RPS29: variants seen among roughly 807,000 people sequenced by gnomAD.
RPS29 encodes ribosomal protein S29.
For missense variants in RPS29, 60 were observed against 75.7 expected (o/e 0.79, Z 0.77); for synonymous variants, 37 against 26.9 (o/e 1.37, Z -1.16).
rs375524772 is a variant in RPS29 at position 49,585,943 on chromosome 14, C to G, written c.162+7G>C. On this transcript the variant is annotated splice_region_variant and intron_variant, in intron 2 of 2. Transcript: ENST00000245458. ...AAACAACATGGAGTACGCCTGCAGA[C>G]GCCTACCTTAATGAAACCGATATCC... 2 of 1,609,730 alleles carry G rather than the reference C, an allele frequency of 1.2e-6. No homozygotes were observed. Among genetic ancestry groups the G allele is most frequent in the South Asian group, 2.2e-5 (2 of 90,980 alleles).
Position 49,586,302 on chromosome 14 carries a change from G to C in RPS29, c.45C>G (p.Gly15=). 1.9e-6 allele frequency: 3 copies of C among 1,613,872 alleles called. No homozygotes were observed. Among genetic ancestry groups the C allele is most frequent in the Non-Finnish European group, 2.5e-6 (3 of 1,179,778 alleles). Residue 15 remains glycine, a synonymous_variant, in exon 1 of 3, where the codon GGC becomes GGG. Transcript: ENST00000245458. ...QLYWSHPRKF[G]QGSRSCRVCS... is the part of the protein sequence containing the mutation. The stretch of plus-strand genomic sequence containing the variant: ...TTTCTCACCAAGAGCGAGAACCCTG[G>C]CCGAATTTTCGCGGGTGGCTCCAGT...
At chr14:49,593,304 C>T (rs2053984) in intron 1 of RPS29, among the ~76,000 whole-genome samples, 29,387 of 152,178 alleles carry the variant, frequency 0.19, 3,080 homozygotes, top group Admixed American at 0.28. Context: ...AGCCAGGAAG[C>T]ATATCATCTA....
At position 49,585,946 on chromosome 14, in the gene RPS29, C is replaced by T. The variant is rs368111062; in HGVS notation, c.162+4G>A. 1.4e-5 allele frequency: 23 copies of T among 1,611,572 alleles called. No individual in the cohort carries two copies. Among genetic ancestry groups the T allele is most frequent in the African/African-American group, 2.7e-5 (2 of 74,850 alleles). On this transcript the variant is annotated splice_donor_region_variant and intron_variant, in intron 2 of 2. Transcript: ENST00000245458. ...CAACATGGAGTACGCCTGCAGACGC[C>T]TACCTTAATGAAACCGATATCCTTC...
chr14:49,585,860 G>C, intron 2 of RPS29, 90 bp downstream of exon 2: 1 of 984,758 alleles, frequency 1.0e-6, no homozygotes, highest in Non-Finnish European at 1.6e-6. Flanking sequence ...ACCACTCCAG[G>C]GAAGATCTGT....
chr14:49,594,342 CAA>C (rs112231373), intron 1 of RPS29, among the ~76,000 whole-genome samples: 68 of 123,772 alleles, frequency 5.5e-4, no homozygotes, highest in African/African-American at 1.9e-3. Context: ...GAACCTGTCT[CAA>C]AAAAAAAAAA....
At chr14:49,582,754 A>G (rs1487573959), downstream of RPS29, among the ~76,000 whole-genome samples, 5 of 152,226 alleles carry the variant, frequency 3.3e-5, no homozygotes, top group Non-Finnish European at 7.3e-5. Flanking sequence ...ATAGGCTTCC[A>G]GATGACAACG....
exon 1 of RPS29, chr14:49,598,424 G>C (rs1415488134): frequency 1.4e-6 from 1 of 700,314 alleles, no homozygotes; most frequent in South Asian, 1.5e-5. Context: ...TATTTGTTCA[G>C]CAGGAATTGC....
chr14:49,571,555 T>C (rs984218591), exon 3 of RPS29: 2 of 152,198 alleles, frequency 1.3e-5, no homozygotes, highest in African/African-American at 2.4e-5. Flanking sequence ...TGTGATTACA[T>C]AGCTGGTGCT....
intron 1 of RPS29, among the ~76,000 whole-genome samples, chr14:49,596,520 T>G (rs1881825234): frequency 6.6e-6 from 1 of 152,108 alleles, no homozygotes; most frequent in Admixed American, 6.5e-5. Context: ...ACCATTAAAT[T>G]TGGGTGGACA....
Position 49,596,414 on chromosome 14 carries a change from A to G in RPS29, c.-133+1986T>C, listed in dbSNP as rs546088743. ...AGATCAAGGGGCAGATTTTATTTGTATGGTGGTAAAGTTCAAAGGGCTCTT... is the reference window on the plus strand; with the variant it reads ...AGATCAAGGGGCAGATTTTATTTGTGTGGTGGTAAAGTTCAAAGGGCTCTT... On this transcript the variant is annotated intron_variant, in intron 1 of 3. Transcript: ENST00000556230. Among the ~76,000 whole-genome samples, 4 of 152,256 alleles carry G rather than the reference A, an allele frequency of 2.6e-5. No homozygotes were observed. The South Asian group carries it at 8.3e-4, about 32-fold the overall frequency.
intron 1 of RPS29, chr14:49,598,172 G>C: frequency 1.9e-6 from 1 of 533,646 alleles, no homozygotes; most frequent in South Asian, 2.7e-5. Context: ...GCTAGGATTA[G>C]GTTAAGGTGA....
intron 1 of RPS29, among the ~76,000 whole-genome samples, chr14:49,591,662 C>T (rs1415567163): frequency 3.0e-5 from 4 of 132,536 alleles, no homozygotes; most frequent in Non-Finnish European, 4.7e-5. Flanking sequence ...GCTCTGTCAG[C>T]CAGGATGGAG....
intron 1 of RPS29, among the ~76,000 whole-genome samples, chr14:49,591,588 A>G (rs1881711333): frequency 6.6e-6 from 1 of 151,018 alleles, no homozygotes; most frequent in Non-Finnish European, 1.5e-5. Context: ...CTGGGATTAC[A>G]GGGATGAGCC....
At chr14:49,577,427 CATTGGT>C (rs1881213793) in exon 3 of RPS29, 1 of 360,974 alleles carries the variant, frequency 2.8e-6, no homozygotes, top group Admixed American at 4.0e-5. Context: ...CTGGCATTGG[CATTGGT>C]GACTCTGATG....
chr14:49,577,754 T>C, exon 3 of RPS29: 1 of 1,362,350 alleles, frequency 7.3e-7, no homozygotes, highest in African/African-American at 1.4e-5. Context: ...GGTGCTCTTT[T>C]TGATGATCTT....
chr14:49,598,280 A>G (rs1881881912), intron 1 of RPS29: 2 of 596,972 alleles, frequency 3.4e-6, no homozygotes, highest in East Asian at 5.6e-5. Context: ...CCCACTCCCC[A>G]GCCGGGCCCC....
At chr14:49,593,413 T>C (rs540518911) in intron 1 of RPS29, among the ~76,000 whole-genome samples, 1 of 152,084 alleles carries the variant, frequency 6.6e-6, no homozygotes, top group East Asian at 1.9e-4. Flanking sequence ...GGATAAAATA[T>C]GACATTTTGG....
At chr14:49,579,979 TG>T (rs1336472529), downstream of RPS29, among the ~76,000 whole-genome samples, 1 of 152,148 alleles carries the variant, frequency 6.6e-6, no homozygotes, top group Non-Finnish European at 1.5e-5. Context: ...ACTCTAAGAC[TG>T]GAAAAAGGCA....
At chr14:49,595,309 G>A (rs570859297) in intron 1 of RPS29, among the ~76,000 whole-genome samples, 1 of 152,122 alleles carries the variant, frequency 6.6e-6, no homozygotes, top group African/African-American at 2.4e-5. Context: ...ATGTGGGTGG[G>A]GCATGGTGGC....
Sources: gnomAD v4.1 joint callset for allele counts (sites outside exome capture counted in the v4.1 genomes callset) on GRCh38, gnomAD v4.1.1 for gene constraint, MANE v1.5 for transcripts, NCBI Gene and HGNC (gene_info 2026-07-23, HGNC 2026-07-21) for gene names.